Variants in HMGCLL1 observed in about 807,000 individuals in gnomAD.
HMGCLL1 encodes the protein 3-hydroxy-3-methylglutaryl-CoA lyase like 1.
A neutral mutation model predicts 39.1 loss-of-function variants in HMGCLL1; 36 were observed. The observed-to-expected ratio is 0.92, with a 90% CI of 0.71 to 1.22. The LOEUF is 1.22. Among genes scored for constraint, HMGCLL1 ranks in the 50% most tolerant of loss-of-function variants. HMGCLL1 has a pLI of 0.00. For missense variants in HMGCLL1, 451 were observed against 416.5 expected, an observed-to-expected ratio of 1.08 and a Z score of -0.72; for synonymous variants, 149 against 144.0, an observed-to-expected ratio of 1.03 and a Z score of -0.25.
chr6:55,632,287 A>G, the HMGCLL1 span, among the ~76,000 whole-genome samples: 1 of 151,920 alleles, frequency 6.6e-6, no homozygotes, highest in Non-Finnish European at 1.5e-5. Context: ...ACTCAATTAC[A>G]TCTAAGGATT....
In HMGCLL1 at chr6:55,554,030, T is replaced by C. The variant is rs1770514466; in HGVS notation, c.109-11890A>G. Reference sequence around the variant, plus strand: ...CCACTTGGCAATGTCAACCTCAGTTTGAACCTTTGAGAGGCAACAGAGGGG... The same window carrying C: ...CCACTTGGCAATGTCAACCTCAGTTCGAACCTTTGAGAGGCAACAGAGGGG... On this transcript the variant is annotated intron_variant, in intron 1 of 8. Transcript: ENST00000274901. Among the ~76,000 whole-genome samples the C allele has an allele frequency of 2.0e-5, 3 of 152,112 alleles. No individual in the cohort carries two copies. In the South Asian group the frequency reaches 6.2e-4, roughly 32 times the overall value.
intron 7 of HMGCLL1, among the ~76,000 whole-genome samples, chr6:55,458,674 C>G (rs888069428): frequency 6.6e-6 from 1 of 152,092 alleles, no homozygotes; most frequent in African/African-American, 2.4e-5. Context: ...GTAGCAGGGC[C>G]GTGTCTTATG....
chr6:55,541,938 AC>A, intron 2 of HMGCLL1, 102 bp from the exon 3 acceptor site: 1 of 955,938 alleles, frequency 1.0e-6, no homozygotes, highest in East Asian at 2.6e-5. Context: ...TTTGTAATTT[AC>A]AAATTCAAGT....
the HMGCLL1 span, among the ~76,000 whole-genome samples, chr6:55,667,269 G>T: frequency 6.6e-6 from 1 of 151,664 alleles, no homozygotes; most frequent in African/African-American, 2.4e-5. Context: ...AGATACTTTT[G>T]ATTATCTTAG....
chr6:55,619,070 A>G, the HMGCLL1 span, among the ~76,000 whole-genome samples: 9 of 152,088 alleles, frequency 5.9e-5, no homozygotes, highest in Non-Finnish European at 1.2e-4. Context: ...GATGGTAGAA[A>G]TTGTCAGCAG....
At chr6:55,587,701 G>A in the HMGCLL1 span, among the ~76,000 whole-genome samples, 25 of 151,992 alleles carry the variant, frequency 1.6e-4, no homozygotes, top group Admixed American at 7.2e-4. Flanking sequence ...ATAAAGGGAC[G>A]GAGGAAGATC....
chr6:55,446,861 A>C (rs1763866546), intron 7 of HMGCLL1, among the ~76,000 whole-genome samples: 1 of 152,010 alleles, frequency 6.6e-6, no homozygotes, highest in Admixed American at 6.6e-5. Flanking sequence ...AAGTCCCAAA[A>C]AACAATTAGA....
chr6:55,651,554 G>A, the HMGCLL1 span, among the ~76,000 whole-genome samples: 10,524 of 152,112 alleles, frequency 0.069, 515 homozygotes, highest in East Asian at 0.17. Flanking sequence ...TGGGGTTGGC[G>A]GGGGAATGGC....
chr6:55,631,338 C>T, the HMGCLL1 span, among the ~76,000 whole-genome samples: 2 of 151,548 alleles, frequency 1.3e-5, no homozygotes, highest in South Asian at 2.1e-4. Flanking sequence ...ATTTGGTGTT[C>T]CTGAAGGGTG....
At chr6:55,574,105 C>T (rs1411285775) in intron 1 of HMGCLL1, among the ~76,000 whole-genome samples, 3 of 151,580 alleles carry the variant, frequency 2.0e-5, no homozygotes, top group Admixed American at 6.6e-5. Context: ...TACTTATAAA[C>T]ATCATATATG....
chr6:55,499,104 T>C, intron 6 of HMGCLL1, 132 bp downstream of exon 6: 1 of 592,350 alleles, frequency 1.7e-6, no homozygotes, highest in South Asian at 3.0e-5. Flanking sequence ...AGTGATCAAA[T>C]ATGTCTTCAG....
At chr6:55,550,638 CTAG>C (rs1770277988) in intron 1 of HMGCLL1, among the ~76,000 whole-genome samples, 2 of 151,796 alleles carry the variant, frequency 1.3e-5, no homozygotes, top group South Asian at 4.1e-4. Flanking sequence ...GATTTGGGAG[CTAG>C]ATGAGTTGCT....
rs188260373 is a variant in HMGCLL1, at chr6:55,488,317, A to G, written c.795+7102T>C. Among the ~76,000 whole-genome samples, 5 of 152,170 alleles carry G rather than the reference A, an allele frequency of 3.3e-5. No homozygotes were observed. In the East Asian group the frequency reaches 9.7e-4, roughly 29 times the overall value. ...AATCATACTTACACAGATTTTTTTA[A>G]AAGTTAAGTCAGTACAAGAAATTTT... On this transcript the variant is annotated intron_variant, in intron 7 of 8. Transcript: ENST00000274901.
intron 7 of HMGCLL1, among the ~76,000 whole-genome samples, chr6:55,491,565 T>A (rs1561914455): frequency 6.6e-6 from 1 of 152,204 alleles, no homozygotes; most frequent in Non-Finnish European, 1.5e-5. Flanking sequence ...AATCAATGTG[T>A]AGCTGTTATT....
chr6:55,584,614 A>G, the HMGCLL1 span, among the ~76,000 whole-genome samples: 2 of 152,106 alleles, frequency 1.3e-5, no homozygotes, highest in African/African-American at 2.4e-5. Context: ...GACTATACCA[A>G]TTGTCTCGAG....
chr6:55,475,701 G>A (rs887432074), intron 7 of HMGCLL1, among the ~76,000 whole-genome samples: 2 of 151,578 alleles, frequency 1.3e-5, no homozygotes, highest in African/African-American at 2.4e-5. Flanking sequence ...CCTTTCTCAT[G>A]TGTTATGTAA....
intron 7 of HMGCLL1, among the ~76,000 whole-genome samples, chr6:55,485,998 A>G (rs146670102): frequency 0.014 from 2,172 of 151,300 alleles, 30 homozygotes; most frequent in Non-Finnish European, 0.024. Flanking sequence ...ACTGCTCCCA[A>G]TCAAAAGTGG....
At chr6:55,447,854 C>A (rs1763923245) in intron 7 of HMGCLL1, among the ~76,000 whole-genome samples, 1 of 152,134 alleles carries the variant, frequency 6.6e-6, no homozygotes, top group South Asian at 2.1e-4. Context: ...CCAGGTTTAA[C>A]AACTGTGTGC....
chr6:55,439,881 T>A (rs1376303888), intron 7 of HMGCLL1, among the ~76,000 whole-genome samples: 1 of 152,150 alleles, frequency 6.6e-6, no homozygotes, highest in East Asian at 1.9e-4. Flanking sequence ...TACTCCAGAT[T>A]TTCACATATT....
Sources: allele counts gnomAD v4.1 joint callset (sites outside exome capture counted in the v4.1 genomes callset), GRCh38; gene constraint gnomAD v4.1.1; transcripts MANE v1.5; gene names NCBI Gene and HGNC (gene_info 2026-07-23, HGNC 2026-07-21).